IFT46: variants seen among roughly 807,000 people sequenced by gnomAD.
The protein encoded by IFT46 is intraflagellar transport 46, also known as intraflagellar transport protein 46 homolog.
IFT46 carries 19 observed loss-of-function variants against 39.6 expected under a neutral mutation model. The ratio of observed to expected loss-of-function variants is 0.48; its 90% confidence interval spans 0.33 to 0.70. IFT46 has a LOEUF of 0.70. Among genes scored for constraint, IFT46 ranks in the 30% least tolerant of loss-of-function variants. The pLI, the probability that IFT46 is intolerant of heterozygous loss-of-function variation, is 0.01. For missense variants in IFT46, 334 were observed against 364.8 expected (o/e 0.92, Z 0.69); for synonymous variants, 117 against 134.8 (o/e 0.87, Z 0.91).
intron 9 of IFT46, chr11:118,546,216 G>A (rs1276477477): frequency 2.8e-6 from 2 of 715,696 alleles, no homozygotes; most frequent in Admixed American, 2.0e-5. Flanking sequence ...ATCAATCTTG[G>A]TGGGGCGTGG....
chr11:118,555,557 T>C (rs1454563791), intron 4 of IFT46: 6 of 427,332 alleles, frequency 1.4e-5, no homozygotes, highest in Admixed American at 8.0e-5. Context: ...CATAATATTT[T>C]TTTGATGTTA....
At chr11:118,555,476 C>A in intron 4 of IFT46, 154 bp from the exon 5 acceptor site, 1 of 599,994 alleles carries the variant, frequency 1.7e-6, no homozygotes, top group Non-Finnish European at 3.0e-6. Context: ...TGCAAGGCAA[C>A]TTTAAGGTTG....
At chr11:118,545,631 A>T in intron 10 of IFT46, 137 bp from the exon 11 acceptor site, 1 of 1,062,708 alleles carries the variant, frequency 9.4e-7, no homozygotes, top group Non-Finnish European at 1.4e-6. Context: ...GCAGGTAGTC[A>T]CATAAGCCAA....
upstream of IFT46, among the ~76,000 whole-genome samples, chr11:118,568,933 G>C (rs1045249792): frequency 1.3e-5 from 2 of 151,894 alleles, no homozygotes; most frequent in Non-Finnish European, 2.9e-5. Flanking sequence ...TGGGATTACA[G>C]GCGTAAGCCA....
At chr11:118,572,698 T>A in exon 1 of IFT46, 1 of 943,030 alleles carries the variant, frequency 1.1e-6, no homozygotes, top group Non-Finnish European at 1.6e-6. Context: ...CAGTGTGGCC[T>A]CCTGTGCCCG....
At chr11:118,545,097 C>T in intron 11 of IFT46, 86 bp from the exon 12 acceptor site, 1 of 1,030,930 alleles carries the variant, frequency 9.7e-7, no homozygotes, top group Non-Finnish European at 1.5e-6. Flanking sequence ...TTAAAATGAA[C>T]CCCCTTTATT....
chr11:118,573,592 C>G (rs1047962963), upstream of IFT46: 10 of 684,066 alleles, frequency 1.5e-5, no homozygotes, highest in Non-Finnish European at 2.7e-5. Flanking sequence ...ATGTTCTGTT[C>G]TGTTCTTTTT....
At chr11:118,551,687 A>AC in intron 9 of IFT46, 99 bp downstream of exon 9, 2 of 897,816 alleles carry the variant, frequency 2.2e-6, no homozygotes, top group Non-Finnish European at 3.5e-6. Flanking sequence ...AAAAAAAAAA[A>AC]AAAGTTACCA....
upstream of IFT46, among the ~76,000 whole-genome samples, chr11:118,575,238 A>G (rs1329529460): frequency 6.6e-6 from 1 of 152,138 alleles, no homozygotes; most frequent in Non-Finnish European, 1.5e-5. Context: ...TCGGCCTCCC[A>G]AAGTGCTGGG....
At chr11:118,552,421 C>G in intron 7 of IFT46, 86 bp from the exon 8 acceptor site, 3 of 1,497,968 alleles carry the variant, frequency 2.0e-6, no homozygotes, top group Non-Finnish European at 2.7e-6. Context: ...GCTGCTGTTT[C>G]ATATTCGAGC....
chr11:118,560,868 T>C (rs1232442569), intron 2 of IFT46: 3 of 769,790 alleles, frequency 3.9e-6, no homozygotes, highest in East Asian at 4.9e-5. Context: ...AACAGAGATA[T>C]CATTTGTCAG....
intron 4 of IFT46, among the ~76,000 whole-genome samples, chr11:118,556,560 GCCTTAAGCAAT>G (rs1937842903): frequency 6.6e-6 from 1 of 152,056 alleles, no homozygotes; most frequent in South Asian, 2.1e-4. Context: ...TGAACGCCCA[GCCTTAAGCAAT>G]CCTCCTACCT....
chr11:118,546,084 T>A lies in IFT46; in HGVS notation c.673-231A>T, dbSNP rs1555067065. The A allele has an allele frequency of 4.2e-6, 3 of 717,628 alleles. No individual in the cohort carries two copies. In the Admixed American group the frequency reaches 6.0e-5, roughly 14 times the overall value. The allele number at this position is 717,628 out of a possible 1,614,324, so 44.5% of individuals were successfully genotyped here. A position where few individuals can be genotyped will look rare whatever the true frequency, so the allele number is the denominator to read the frequency against. On this transcript the variant is annotated intron_variant, in intron 9 of 11. Transcript: ENST00000264021. The stretch of plus-strand genomic sequence containing the variant: ...TTAAATTAAAACAAGGTCATTAGGG[T>A]GGGCCTTAATCCAGTATGACTGGTG...
exon 1 of IFT46, chr11:118,572,658 G>T (rs1191680953): frequency 7.0e-7 from 1 of 1,435,040 alleles, no homozygotes; most frequent in East Asian, 2.5e-5. Context: ...AGGGTCTAGG[G>T]CAGAGTGCTT....
intron 9 of IFT46, among the ~76,000 whole-genome samples, chr11:118,548,571 G>A (rs1417572824): frequency 6.0e-5 from 9 of 151,042 alleles, no homozygotes; most frequent in Non-Finnish European, 1.5e-5. Context: ...CACCACGTTG[G>A]CCAGGATGGT....
chr11:118,576,448 A>AAC (rs1555073621), upstream of IFT46, among the ~76,000 whole-genome samples: 2 of 148,426 alleles, frequency 1.3e-5, no homozygotes, highest in African/African-American at 2.5e-5. Flanking sequence ...AAAAAAAAAA[A>AAC]ACCAAAAACT....
intron 2 of IFT46, chr11:118,560,274 C>A (rs781657066): frequency 2.2e-5 from 4 of 179,522 alleles, no homozygotes; most frequent in Non-Finnish European, 4.6e-5. Flanking sequence ...AAAAAATTAG[C>A]TGGGTGTGAT....
intron 2 of IFT46, among the ~76,000 whole-genome samples, chr11:118,563,310 G>A (rs905292244): frequency 1.3e-5 from 2 of 152,156 alleles, no homozygotes; most frequent in East Asian, 3.8e-4. Context: ...TTGTTTTGAA[G>A]GGTATGGATT....
chr11:118,555,977 A>C (rs880002470), intron 4 of IFT46, among the ~76,000 whole-genome samples: 1 of 152,130 alleles, frequency 6.6e-6, no homozygotes, highest in Admixed American at 6.6e-5. Flanking sequence ...ACCAGAAAAA[A>C]AAAATTATAG....
Sources: allele counts gnomAD v4.1 joint callset (sites outside exome capture counted in the v4.1 genomes callset), GRCh38; gene constraint gnomAD v4.1.1; transcripts MANE v1.5; gene names NCBI Gene and HGNC (gene_info 2026-07-23, HGNC 2026-07-21).